The following WDR25 variants were observed in gnomAD, a reference collection of about 807,000 sequenced individuals.
WDR25 encodes the protein WD repeat-containing protein 25.
A neutral mutation model predicts 47.7 loss-of-function variants in WDR25; 35 were observed. The observed-to-expected ratio is 0.73, with a 90% confidence interval of 0.56 to 0.97. WDR25 has a LOEUF of 0.97. Among genes scored for constraint, WDR25 ranks in the 50% least tolerant of loss-of-function variants. The probability of loss-of-function intolerance (pLI) is 0.00; values close to 1 mark genes in which losing one functional copy is unlikely to be tolerated. For missense variants in WDR25, 634 were observed against 704.7 expected (o/e 0.90, Z 1.14); for synonymous variants, 248 against 278.9 (o/e 0.89, Z 1.10).
rs75759329 is a variant in WDR25, at chr14:100,484,483, T to C, written c.1101+359T>C. On this transcript the variant is annotated intron_variant, in intron 4 of 6. Transcript: ENST00000402312. ...GAATTGGTGTGTGTGTGTGTGTGTGTGCGTGTGTGTGTGTGCGCACTTGTT... is the reference window on the plus strand; with the variant it reads ...GAATTGGTGTGTGTGTGTGTGTGTGCGCGTGTGTGTGTGTGCGCACTTGTT... Among the ~76,000 whole-genome samples, 57 of 141,150 alleles carry C rather than the reference T, an allele frequency of 4.0e-4. 1 individual carries two copies. Among genetic ancestry groups the C allele is most frequent in the South Asian group, 1.1e-3 (5 of 4,562 alleles). 92.6% of individuals were successfully genotyped at this position (141,150 alleles called of 152,430 possible).
At chr14:100,450,013 C>T (rs2140263369) in intron 2 of WDR25, among the ~76,000 whole-genome samples, 1 of 152,364 alleles carries the variant, frequency 6.6e-6, no homozygotes, top group East Asian at 1.9e-4. Context: ...GGCCTGCTCT[C>T]TCCCCTCTGC....
At chr14:100,378,172 ATTTTT>A (rs11350148) in intron 1 of WDR25, among the ~76,000 whole-genome samples, 2 of 149,578 alleles carry the variant, frequency 1.3e-5, no homozygotes, top group Non-Finnish European at 3.0e-5. Flanking sequence ...TTTCAGAAAG[ATTTTT>A]TTTTTTTTTG....
intron 2 of WDR25, among the ~76,000 whole-genome samples, chr14:100,427,934 G>C (rs1435166237): frequency 6.6e-6 from 1 of 152,210 alleles, no homozygotes; most frequent in Non-Finnish European, 1.5e-5. Flanking sequence ...TGCTGGAGTG[G>C]GTTTCTCTGG....
chr14:100,436,110 T>C (rs989469794), intron 2 of WDR25, among the ~76,000 whole-genome samples: 1 of 152,256 alleles, frequency 6.6e-6, no homozygotes, highest in African/African-American at 2.4e-5. Flanking sequence ...TCAGCTCTGC[T>C]GTTGACTAGC....
At chr14:100,396,374 G>A (rs1897261007) in intron 2 of WDR25, among the ~76,000 whole-genome samples, 1 of 152,198 alleles carries the variant, frequency 6.6e-6, no homozygotes, top group Non-Finnish European at 1.5e-5. Context: ...GAAAGGACTT[G>A]AGGAAGCCTA....
chr14:100,528,857 GCGAGGCCTTTTTCA>G (rs2030320390), intron 5 of WDR25, among the ~76,000 whole-genome samples, 197 bp from the exon 6 acceptor site: 3 of 152,246 alleles, frequency 2.0e-5, no homozygotes, highest in Admixed American at 2.0e-4. Context: ...CTTCAGCCCA[GCGAGGCCTTTTTCA>G]GACTTCCGAC....
chr14:100,459,043 A>G (rs1029355235), intron 2 of WDR25, among the ~76,000 whole-genome samples: 7 of 152,222 alleles, frequency 4.6e-5, no homozygotes, highest in African/African-American at 1.4e-4. Context: ...AGCAGAAATA[A>G]CTGAAATAGC....
intron 4 of WDR25, among the ~76,000 whole-genome samples, chr14:100,496,152 G>T (rs1174183923): frequency 6.6e-6 from 1 of 152,074 alleles, no homozygotes; most frequent in African/African-American, 2.4e-5. Context: ...TATCCTAGTG[G>T]GTACAAAGTG....
At chr14:100,489,750 TG>T (rs1241029052) in intron 4 of WDR25, among the ~76,000 whole-genome samples, 3 of 152,150 alleles carry the variant, frequency 2.0e-5, no homozygotes, top group Non-Finnish European at 2.9e-5. Context: ...GTTCTTTTGT[TG>T]TCTAGCTCCT....
chr14:100,401,315 C>T (rs1459489345), intron 2 of WDR25, among the ~76,000 whole-genome samples: 1 of 152,202 alleles, frequency 6.6e-6, no homozygotes, highest in Non-Finnish European at 1.5e-5. Context: ...ATCCCCCTTG[C>T]ACTGCCTCAT....
Position 100,525,911 on chromosome 14 carries a change from C to T in WDR25, c.1143C>T (p.Asp381=). 6.2e-7 allele frequency: 1 copy of T among 1,613,956 alleles called. No individual in the cohort carries two copies. Among genetic ancestry groups the T allele is most frequent in the Non-Finnish European group, 8.5e-7 (1 of 1,179,936 alleles). Residue 381 remains aspartate, a synonymous_variant, in exon 5 of 7, where the codon GAC becomes GAT. Coordinates refer to ENST00000402312, the MANE Select transcript of WDR25 (RefSeq NM_001161476.3). This position sits in a 1 kb window ranked among gnomAD's most constrained non-coding sequence, Gnocchi z 4.6. ...SYKATIQQTL[D]ILFLREGSEF... ...AGGCGACCATCCAGCAGACCTTGGA[C>T]ATCCTGTTCCTCCGGGAAGGCTCCG...
chr14:100,416,085 A>G (rs1437024467), intron 2 of WDR25, among the ~76,000 whole-genome samples: 2 of 152,206 alleles, frequency 1.3e-5, no homozygotes, highest in Non-Finnish European at 2.9e-5. Flanking sequence ...TCTAGCCCTC[A>G]CAGAGCACGT....
At chr14:100,437,253 C>T (rs1363835495) in intron 2 of WDR25, among the ~76,000 whole-genome samples, 2 of 152,150 alleles carry the variant, frequency 1.3e-5, no homozygotes, top group Non-Finnish European at 2.9e-5. Context: ...GAAAGCAGGT[C>T]CCTTCTGCCC....
At chr14:100,462,113 T>C (rs1296726314) in intron 2 of WDR25, among the ~76,000 whole-genome samples, 1 of 152,166 alleles carries the variant, frequency 6.6e-6, no homozygotes, top group Non-Finnish European at 1.5e-5. Flanking sequence ...TGTGGCTAGA[T>C]CAATACTTGT....
rs139233704 is a variant in WDR25 at position 100,404,481 on chromosome 14, A to G, written c.822+22735A>G. Among the ~76,000 whole-genome samples, 387 of 152,286 alleles carry G rather than the reference A, an allele frequency of 2.5e-3. 1 individual carries two copies. The highest frequency in any genetic ancestry group is 8.9e-3 in the African/African-American group (371 of 41,558). On this transcript the variant is annotated intron_variant, in intron 2 of 6. Coordinates refer to ENST00000402312, the MANE Select transcript of WDR25 (RefSeq NM_001161476.3). This position sits in a 1 kb window ranked among gnomAD's most constrained non-coding sequence, Gnocchi z 4.6. The stretch of plus-strand genomic sequence containing the variant: ...TTCACCTTGACCTTACCACCATGGG[A>G]GGCAGAGCGCACACCCCTCTGGTGT...
chr14:100,380,909 G>C lies in WDR25; in HGVS notation c.-15-1G>C. 1 of 1,606,338 alleles carries C rather than the reference G, an allele frequency of 6.2e-7. No individual in the cohort carries two copies. The highest frequency in any genetic ancestry group is 2.2e-5 in the East Asian group (1 of 44,682). On this transcript the variant is annotated splice_acceptor_variant, in intron 1 of 6. Coordinates refer to ENST00000402312, the MANE Select transcript of WDR25 (RefSeq NM_001161476.3). LOFTEE classifies it low-confidence loss of function (5UTR_SPLICE). Reference sequence around the variant, plus strand: ...TGACGGTTGACCTTGTTTGATCTTAGGTGGTTTGGCTTTGAATGACAGCAA... The same window carrying C: ...TGACGGTTGACCTTGTTTGATCTTACGTGGTTTGGCTTTGAATGACAGCAA...
chr14:100,420,312 A>ATT (rs370794904), intron 2 of WDR25, among the ~76,000 whole-genome samples: 16 of 149,094 alleles, frequency 1.1e-4, no homozygotes, highest in African/African-American at 3.7e-4. Flanking sequence ...TTGTAAGCAC[A>ATT]TTTTTTTTTT....
intron 2 of WDR25, among the ~76,000 whole-genome samples, chr14:100,418,250 C>G (rs533192150): frequency 6.6e-6 from 1 of 150,560 alleles, no homozygotes; most frequent in African/African-American, 2.4e-5. Context: ...TGCCTTCTTA[C>G]GTCTTATATC....
chr14:100,529,689 C>T lies in WDR25; in HGVS notation c.1414-131C>T. The T allele has an allele frequency of 9.4e-7, 1 of 1,059,158 alleles. No individual in the cohort carries two copies. Among genetic ancestry groups the T allele is most frequent in the Non-Finnish European group, 1.3e-6 (1 of 742,668 alleles). 65.6% of individuals were successfully genotyped at this position (1,059,158 alleles called of 1,614,324 possible). A position where few individuals can be genotyped will look rare whatever the true frequency, so the allele number is the denominator to read the frequency against. On this transcript the variant is annotated intron_variant, in intron 6 of 6. Coordinates refer to ENST00000402312, the MANE Select transcript of WDR25 (RefSeq NM_001161476.3). This position sits in a 1 kb window ranked among gnomAD's most constrained non-coding sequence, Gnocchi z 5.1. ...ATGGGCGGGACCTGGGCTTTGGCCT[C>T]AGGGACACGAGGTGCGAAGCCCAGC...
Sources: allele counts gnomAD v4.1 joint callset (sites outside exome capture counted in the v4.1 genomes callset), GRCh38; gene constraint gnomAD v4.1.1; non-coding constraint Gnocchi (gnomAD v3.1); transcripts MANE v1.5; gene names NCBI Gene and HGNC (gene_info 2026-07-23, HGNC 2026-07-21).